FIGN: variants seen among roughly 807,000 people sequenced by gnomAD.
FIGN encodes fidgetin.
FIGN carries 11 observed loss-of-function variants against 51.3 expected under a neutral mutation model. That is an observed-to-expected ratio of 0.21 (90% CI 0.13 to 0.35). FIGN has a LOEUF of 0.35. Among genes scored for constraint, FIGN ranks in the 10% least tolerant of loss-of-function variants. FIGN has a pLI of 1.00. For synonymous variants in FIGN, 407 were observed against 363.2 expected, an observed-to-expected ratio of 1.12 and a Z score of -1.37; for missense variants, 857 against 943.6, an observed-to-expected ratio of 0.91 and a Z score of 1.20.
rs1362791108 is a variant in FIGN at position 163,604,446 on chromosome 2, C to T, written c.*5106G>A. On this transcript the variant is annotated 3_prime_UTR_variant, in exon 3 of 3. Transcript: ENST00000333129. Reference sequence around the variant, plus strand: ...GTTATGAATACAATTAAAAGTCCATCAGTATCCCAAGTACTCGTGCATTAT... The same window carrying T: ...GTTATGAATACAATTAAAAGTCCATTAGTATCCCAAGTACTCGTGCATTAT... The T allele has an allele frequency of 8.5e-5, 13 of 152,052 alleles. No homozygotes were observed. Among genetic ancestry groups the T allele is most frequent in the Non-Finnish European group, 1.8e-4 (12 of 67,994 alleles). 9.4% of individuals were successfully genotyped at this position (152,052 alleles called of 1,614,324 possible).
At chr2:163,663,981 C>T (rs1683733778) in intron 2 of FIGN, among the ~76,000 whole-genome samples, 1 of 152,072 alleles carries the variant, frequency 6.6e-6, no homozygotes, top group South Asian at 2.1e-4. Flanking sequence ...AAAGACTAAA[C>T]ACAACTTGGT....
intron 2 of FIGN, among the ~76,000 whole-genome samples, chr2:163,666,487 A>G (rs1313759204): frequency 1.3e-5 from 2 of 152,196 alleles, no homozygotes; most frequent in East Asian, 3.8e-4. Context: ...ATTAGAAGCT[A>G]GGAGTTCTAG....
chr2:163,669,003 A>C (rs1683831441), intron 2 of FIGN, among the ~76,000 whole-genome samples: 1 of 123,080 alleles, frequency 8.1e-6, no homozygotes, highest in South Asian at 2.3e-4. Flanking sequence ...TAGCATAATT[A>C]AGAAAAAAAG....
At chr2:163,720,657 C>T (rs945623280) in intron 2 of FIGN, among the ~76,000 whole-genome samples, 9 of 152,104 alleles carry the variant, frequency 5.9e-5, no homozygotes, top group African/African-American at 1.7e-4. Context: ...AGTTAAGAAT[C>T]TGGAAAGGTA....
intron 2 of FIGN, among the ~76,000 whole-genome samples, chr2:163,624,324 G>A (rs763509122): frequency 6.6e-6 from 1 of 151,686 alleles, no homozygotes; most frequent in African/African-American, 2.4e-5. Flanking sequence ...GAATTGAAAG[G>A]TGAGCCTATT....
In FIGN at chr2:163,710,374, C is replaced by T. The variant is rs114070471; in HGVS notation, c.25+24529G>A. On this transcript the variant is annotated intron_variant, in intron 2 of 2. Coordinates refer to ENST00000333129, the MANE Select transcript of FIGN (RefSeq NM_018086.4). ...AAGATTAGGCAACTGCTAGTCTATCCTTGGTTCATTTTGCTTTTTATTTTG... is the reference window on the plus strand; with the variant it reads ...AAGATTAGGCAACTGCTAGTCTATCTTTGGTTCATTTTGCTTTTTATTTTG... 9.1e-3 allele frequency among the ~76,000 whole-genome samples: 1,389 copies of T among 152,252 alleles called. 20 individuals carry two copies. Among genetic ancestry groups the T allele is most frequent in the African/African-American group, 0.028 (1,175 of 41,542 alleles).
chr2:163,626,685 G>A (rs1222219292), intron 2 of FIGN, among the ~76,000 whole-genome samples: 2 of 152,080 alleles, frequency 1.3e-5, no homozygotes, highest in Admixed American at 6.6e-5. Flanking sequence ...GGTAAAGTAA[G>A]GCTGAGACCT....
At chr2:163,703,904 T>C (rs1684449601) in intron 2 of FIGN, among the ~76,000 whole-genome samples, 1 of 152,030 alleles carries the variant, frequency 6.6e-6, no homozygotes, top group African/African-American at 2.4e-5. Context: ...TCCTAACACA[T>C]AGATTACCAG....
intron 2 of FIGN, among the ~76,000 whole-genome samples, chr2:163,703,522 T>G (rs1271018882): frequency 6.6e-6 from 1 of 152,270 alleles, no homozygotes; most frequent in South Asian, 2.1e-4. Flanking sequence ...TGACAGAAAG[T>G]GCTACATAGA....
At chr2:163,673,309 T>C (rs542498627) in intron 2 of FIGN, among the ~76,000 whole-genome samples, 27 of 152,228 alleles carry the variant, frequency 1.8e-4, no homozygotes, top group Admixed American at 5.2e-4. Flanking sequence ...GAAACAGGTT[T>C]CATTTTTACT....
chr2:163,701,741 A>G (rs1033257433), intron 2 of FIGN, among the ~76,000 whole-genome samples: 1 of 152,086 alleles, frequency 6.6e-6, no homozygotes, highest in African/African-American at 2.4e-5. Flanking sequence ...TGCCTTAATT[A>G]TTGTTACAAA....
rs1212904958 is a variant in FIGN, at chr2:163,660,820, CATAT to C, written c.26-49018_26-49015del. On this transcript the variant is annotated intron_variant, in intron 2 of 2. Coordinates refer to ENST00000333129, the MANE Select transcript of FIGN (RefSeq NM_018086.4). ...ATAGATATACATATATATACATATA[CATAT>C]ATATGTATACATATATACATATATA... is the stretch of plus-strand genomic sequence containing the variant. Among the ~76,000 whole-genome samples the C allele has an allele frequency of 1.5e-4, 6 of 40,458 alleles. 2 individuals are homozygous for C. Among genetic ancestry groups the C allele is most frequent in the African/African-American group, 4.8e-4 (6 of 12,558 alleles). The allele number at this position is 40,458 out of a possible 152,430, so 26.5% of individuals were successfully genotyped here.
chr2:163,708,094 G>A (rs972349756), intron 2 of FIGN, among the ~76,000 whole-genome samples: 2 of 152,044 alleles, frequency 1.3e-5, no homozygotes, highest in African/African-American at 4.8e-5. Context: ...ATGTCATCAG[G>A]ATAACTGAAT....
At chr2:163,619,313 T>G (rs573330291) in intron 2 of FIGN, among the ~76,000 whole-genome samples, 1 of 152,284 alleles carries the variant, frequency 6.6e-6, no homozygotes, top group African/African-American at 2.4e-5. Flanking sequence ...GTTGGGTAGA[T>G]GGTACGCAGG....
intron 2 of FIGN, among the ~76,000 whole-genome samples, chr2:163,693,691 T>C (rs192731552): frequency 1.4e-4 from 21 of 152,136 alleles, no homozygotes; most frequent in Admixed American, 1.4e-3. Context: ...AAAGAACACA[T>C]ATGTGCTAGG....
chr2:163,676,719 T>C (rs551575806), intron 2 of FIGN, among the ~76,000 whole-genome samples: 1 of 151,980 alleles, frequency 6.6e-6, no homozygotes, highest in South Asian at 2.1e-4. Context: ...AATACCCAAT[T>C]TTATTTACAC....
rs1691085666 is a variant in FIGN, at chr2:163,605,397, G to A, written c.*4155C>T. 1 of 151,962 alleles carries A rather than the reference G, an allele frequency of 6.6e-6. No homozygotes were observed. Among genetic ancestry groups the A allele is most frequent in the South Asian group, 2.1e-4 (1 of 4,824 alleles). The allele number at this position is 151,962 out of a possible 1,614,324, so 9.4% of individuals were successfully genotyped here. A position where few individuals can be genotyped will look rare whatever the true frequency, so the allele number is the denominator to read the frequency against. On this transcript the variant is annotated 3_prime_UTR_variant, in exon 3 of 3. Coordinates refer to ENST00000333129, the MANE Select transcript of FIGN (RefSeq NM_018086.4). ...CTAATAGCTCCAGGTTTGCTAATGTGCTTCATATAAAAATCGGCAGATGAT... is the reference window on the plus strand; with the variant it reads ...CTAATAGCTCCAGGTTTGCTAATGTACTTCATATAAAAATCGGCAGATGAT...
At chr2:163,691,510 C>T (rs1357296026) in intron 2 of FIGN, among the ~76,000 whole-genome samples, 2 of 152,066 alleles carry the variant, frequency 1.3e-5, no homozygotes, top group Non-Finnish European at 2.9e-5. Context: ...CATTTTCATA[C>T]TCTGCTACTT....
intron 2 of FIGN, among the ~76,000 whole-genome samples, chr2:163,644,468 C>T (rs1683352749): frequency 6.6e-6 from 1 of 152,190 alleles, no homozygotes; most frequent in Admixed American, 6.5e-5. Flanking sequence ...TTAGAACCCT[C>T]ATACACTGCT....
Sources: allele counts gnomAD v4.1 joint callset (sites outside exome capture counted in the v4.1 genomes callset), GRCh38; gene constraint gnomAD v4.1.1; transcripts MANE v1.5; gene names NCBI Gene and HGNC (gene_info 2026-07-23, HGNC 2026-07-21).